RBFOX1: variants seen among roughly 807,000 people sequenced by gnomAD.
RBFOX1 encodes RNA binding fox-1 homolog 1.
RBFOX1 carries 8 observed loss-of-function variants against 57.7 expected under a neutral mutation model. The ratio of observed to expected loss-of-function variants is 0.14; its 90% CI spans 0.08 to 0.25. RBFOX1 has a LOEUF of 0.25. Among genes scored for constraint, RBFOX1 ranks in the 10% least tolerant of loss-of-function variants. The pLI, the probability that RBFOX1 is intolerant of heterozygous loss-of-function variation, is 1.00. For missense variants in RBFOX1, 611 were observed against 548.5 expected, an observed-to-expected ratio of 1.11 and a Z score of -1.14; for synonymous variants, 326 against 222.4, an observed-to-expected ratio of 1.47 and a Z score of -4.15.
intron 4 of RBFOX1, among the ~76,000 whole-genome samples, chr16:5,874,981 A>G (rs937176422): frequency 6.6e-6 from 1 of 152,158 alleles, no homozygotes; most frequent in Admixed American, 6.5e-5. Context: ...GATGGAGAAT[A>G]GAGGCAGAAC....
At chr16:7,120,828 T>TAC (rs557348204) in intron 4 of RBFOX1, among the ~76,000 whole-genome samples, 1 of 32,582 alleles carries the variant, frequency 3.1e-5, no homozygotes, top group Non-Finnish European at 6.6e-5. Flanking sequence ...TATATGTATA[T>TAC]ATACACACAC....
chr16:7,445,372 C>T (rs1676489379), intron 4 of RBFOX1, among the ~76,000 whole-genome samples: 2 of 152,178 alleles, frequency 1.3e-5, no homozygotes, highest in African/African-American at 2.4e-5. Flanking sequence ...CATGGGTCTC[C>T]AGTACCCTTA....
intron 2 of RBFOX1, among the ~76,000 whole-genome samples, chr16:6,492,830 A>G (rs2095664297): frequency 6.6e-6 from 1 of 152,166 alleles, no homozygotes; most frequent in African/African-American, 2.4e-5. Context: ...AAGAGCCCAA[A>G]ACTCAGAAAT....
chr16:7,383,779 T>A (rs1472049485), intron 4 of RBFOX1, among the ~76,000 whole-genome samples: 1 of 152,106 alleles, frequency 6.6e-6, no homozygotes, highest in Non-Finnish European at 1.5e-5. Context: ...AAGTATGGCC[T>A]GGCGAGGTGG....
chr16:7,376,286 A>G (rs1406819122), intron 4 of RBFOX1, among the ~76,000 whole-genome samples: 3 of 152,232 alleles, frequency 2.0e-5, no homozygotes, highest in African/African-American at 7.2e-5. Flanking sequence ...ATTCGATTCT[A>G]TTAGCAGCTC....
intron 3 of RBFOX1, among the ~76,000 whole-genome samples, chr16:5,772,709 T>C (rs927813398): frequency 1.3e-5 from 2 of 152,192 alleles, no homozygotes; most frequent in African/African-American, 4.8e-5. Flanking sequence ...GACAATTTGC[T>C]GAGAGGAACA....
chr16:5,525,855 G>T lies in RBFOX1; in HGVS notation c.258+58601G>T, dbSNP rs181199342. 3.5e-3 allele frequency among the ~76,000 whole-genome samples: 535 copies of T among 152,168 alleles called. 8 individuals are homozygous for T. The highest frequency in any genetic ancestry group is 0.032 in the Admixed American group (483 of 15,278). On this transcript the variant is annotated intron_variant, in intron 2 of 2. Transcript: ENST00000585867. ...CTAACAAAGCTCCCTGTTGCTGCAT[G>T]CACCAAGTGGCAAATTTTTAATATT...
intron 15 of RBFOX1, 138 bp downstream of exon 15, chr16:7,709,269 C>T (rs1451060525): frequency 2.4e-5 from 23 of 951,424 alleles, no homozygotes; most frequent in Non-Finnish European, 3.6e-5. Context: ...GCTAAAATGC[C>T]ACATTAATCC....
chr16:7,573,392 C>A (rs1233018665), intron 5 of RBFOX1, among the ~76,000 whole-genome samples: 1 of 152,122 alleles, frequency 6.6e-6, no homozygotes, highest in Non-Finnish European at 1.5e-5. Flanking sequence ...GTGTCCCTGG[C>A]CACTTTCCCG....
chr16:6,999,344 G>A (rs1015751377), intron 3 of RBFOX1, among the ~76,000 whole-genome samples: 16 of 151,116 alleles, frequency 1.1e-4, no homozygotes, highest in African/African-American at 1.5e-4. Context: ...GGCATGAGCC[G>A]TTGTGCCTGG....
intron 3 of RBFOX1, among the ~76,000 whole-genome samples, chr16:5,748,342 G>T (rs2053064876): frequency 6.6e-6 from 1 of 152,178 alleles, no homozygotes; most frequent in Admixed American, 6.5e-5. Flanking sequence ...TGAGAAGAAT[G>T]TATATTCTGT....
intron 4 of RBFOX1, among the ~76,000 whole-genome samples, chr16:7,104,262 C>A (rs1051111163): frequency 6.6e-6 from 1 of 152,108 alleles, no homozygotes; most frequent in Admixed American, 6.6e-5. Flanking sequence ...CTGAGACCCT[C>A]TTCACACTCA....
chr16:6,624,562 C>T (rs1429986016), intron 2 of RBFOX1, among the ~76,000 whole-genome samples: 2 of 152,108 alleles, frequency 1.3e-5, no homozygotes, highest in Non-Finnish European at 2.9e-5. Context: ...GCAGTGAGGA[C>T]GTCTTTCCTT....
chr16:6,538,211 C>T (rs1008772093), intron 2 of RBFOX1, among the ~76,000 whole-genome samples: 1 of 152,088 alleles, frequency 6.6e-6, no homozygotes, highest in Non-Finnish European at 1.5e-5. Context: ...GCAAATCAGG[C>T]CAGGCATGGA....
intron 4 of RBFOX1, among the ~76,000 whole-genome samples, chr16:7,176,857 G>C (rs1197789007): frequency 3.3e-5 from 5 of 152,174 alleles, no homozygotes; most frequent in Admixed American, 6.5e-5. Flanking sequence ...AGAAATGTAA[G>C]ACAGAGAGAA....
intron 3 of RBFOX1, among the ~76,000 whole-genome samples, chr16:6,998,108 A>C (rs539542673): frequency 6.6e-6 from 1 of 152,152 alleles, no homozygotes; most frequent in Non-Finnish European, 1.5e-5. Flanking sequence ...TTTAGTGTAC[A>C]ATAGCATATG....
chr16:5,820,669 A>G (rs1296192466), intron 3 of RBFOX1, among the ~76,000 whole-genome samples: 2 of 152,146 alleles, frequency 1.3e-5, no homozygotes, highest in African/African-American at 4.8e-5. Context: ...CATTCCTCTG[A>G]AGTGCGTCAC....
chr16:6,193,427 A>ATATATATAT (rs1567651849), intron 1 of RBFOX1, among the ~76,000 whole-genome samples: 754 of 60,266 alleles, frequency 0.013, 10 homozygotes, highest in Non-Finnish European at 0.019. Flanking sequence ...TATATATATA[A>ATATATATAT]AATTCAGTGA....
rs151184154 is a variant in RBFOX1, at chr16:5,666,907, C to G, written c.318+67946C>G. Among the ~76,000 whole-genome samples, 543 of 152,262 alleles carry G rather than the reference C, an allele frequency of 3.6e-3. 3 individuals are homozygous for G. The highest frequency in any genetic ancestry group is 0.012 in the African/African-American group (506 of 41,544). ...TTTGCATGTATTAAGTATATCTCTG[C>G]TTTGTGGATTGCCCTGTGTGTTTCA... is the stretch of plus-strand genomic sequence containing the variant. On this transcript the variant is annotated intron_variant, in intron 3 of 19. Coordinates refer to the RBFOX1 transcript ENST00000641259.
Sources: allele counts gnomAD v4.1 joint callset (sites outside exome capture counted in the v4.1 genomes callset), GRCh38; gene constraint gnomAD v4.1.1; transcripts MANE v1.5; gene names NCBI Gene and HGNC (gene_info 2026-07-23, HGNC 2026-07-21).